MAST4: variants seen among roughly 807,000 people sequenced by gnomAD.
MAST4 encodes microtubule associated serine/threonine kinase family member 4, also known as microtubule-associated serine/threonine-protein kinase 4.
A neutral mutation model predicts 162.7 loss-of-function variants in MAST4; 89 were observed. The ratio of observed to expected loss-of-function variants is 0.55; its 90% CI spans 0.46 to 0.65. The LOEUF (loss-of-function observed/expected upper bound fraction) is 0.65. Among genes scored for constraint, MAST4 ranks in the 30% least tolerant of loss-of-function variants. The pLI, the probability that MAST4 is intolerant of heterozygous loss-of-function variation, is 0.00. For missense variants in MAST4, 3,153 were observed against 3,374.0 expected, an observed-to-expected ratio of 0.93 and a Z score of 1.62; for synonymous variants, 1,479 against 1,361.1, an observed-to-expected ratio of 1.09 and a Z score of -1.91.
chr5:66,839,137 G>C (rs563152148), intron 3 of MAST4, among the ~76,000 whole-genome samples: 1 of 152,252 alleles, frequency 6.6e-6, no homozygotes, highest in East Asian at 1.9e-4. Context: ...GTTGGCAAAA[G>C]AGAGATGGAA....
At chr5:66,625,615 A>G (rs1744374690) in intron 1 of MAST4, among the ~76,000 whole-genome samples, 2 of 152,230 alleles carry the variant, frequency 1.3e-5, no homozygotes, top group Admixed American at 1.3e-4. Context: ...CATCAGGAAA[A>G]AGAGTCAAAA....
At chr5:66,775,049 T>TC (rs35036755) in intron 2 of MAST4, among the ~76,000 whole-genome samples, 2 of 150,662 alleles carry the variant, frequency 1.3e-5, no homozygotes, top group Non-Finnish European at 3.0e-5. Context: ...GTGTGTGTTT[T>TC]CCCCCTGTAG....
chr5:66,975,674 A>G (rs575534761), intron 4 of MAST4, among the ~76,000 whole-genome samples: 1 of 152,280 alleles, frequency 6.6e-6, no homozygotes, highest in Admixed American at 6.5e-5. Flanking sequence ...CCTGCTTCCC[A>G]CAGTCCAGGG....
intron 24 of MAST4, among the ~76,000 whole-genome samples, chr5:67,151,767 CT>C (rs1163541260): frequency 0.15 from 17,365 of 115,578 alleles, 2,425 homozygotes; most frequent in African/African-American, 0.43. Flanking sequence ...TTCTTTTTTT[CT>C]TTTTTTTTTT....
chr5:66,893,715 G>A (rs550529787), intron 3 of MAST4, among the ~76,000 whole-genome samples: 17 of 152,288 alleles, frequency 1.1e-4, no homozygotes, highest in African/African-American at 3.8e-4. Context: ...GACTGTTCAG[G>A]CATTTCTATA....
chr5:66,729,662 C>A (rs1379871420), intron 1 of MAST4, among the ~76,000 whole-genome samples: 1 of 152,080 alleles, frequency 6.6e-6, no homozygotes, highest in Admixed American at 6.6e-5. Context: ...TGTTCTGGGA[C>A]CCTCTTAATT....
At chr5:66,709,903 A>G (rs1479926467) in intron 1 of MAST4, among the ~76,000 whole-genome samples, 1 of 152,192 alleles carries the variant, frequency 6.6e-6, no homozygotes, top group Non-Finnish European at 1.5e-5. Flanking sequence ...TTGGTGCCAT[A>G]CAGGCAAGTG....
intron 1 of MAST4, among the ~76,000 whole-genome samples, chr5:66,684,515 C>T (rs1490275755): frequency 6.6e-6 from 1 of 152,088 alleles, no homozygotes; most frequent in Non-Finnish European, 1.5e-5. Flanking sequence ...TGGAAGGAGT[C>T]TGAATATTTA....
intron 4 of MAST4, among the ~76,000 whole-genome samples, chr5:66,981,537 T>C (rs1748839217): frequency 6.6e-6 from 1 of 152,240 alleles, no homozygotes; most frequent in African/African-American, 2.4e-5. Context: ...GATTTGCCAA[T>C]GGAAATTGAG....
chr5:66,908,107 A>C (rs1763508222), intron 4 of MAST4, among the ~76,000 whole-genome samples: 1 of 152,212 alleles, frequency 6.6e-6, no homozygotes, highest in African/African-American at 2.4e-5. Context: ...AGAATAGTGT[A>C]ATCTATCCTG....
intron 4 of MAST4, among the ~76,000 whole-genome samples, chr5:66,931,192 A>G (rs1742153261): frequency 6.6e-6 from 1 of 152,172 alleles, no homozygotes. Context: ...AATTCATGCT[A>G]TGCATTTATA....
chr5:66,969,541 T>A (rs954930293), intron 4 of MAST4, among the ~76,000 whole-genome samples: 6 of 152,152 alleles, frequency 3.9e-5, no homozygotes, highest in Admixed American at 1.3e-4. Context: ...GACAGCACCT[T>A]AACAGGGAGG....
rs147310220 is a variant in MAST4 at position 66,650,535 on chromosome 5, A to G, written c.363+53517A>G. Among the ~76,000 whole-genome samples, 361 of 152,318 alleles carry G rather than the reference A, an allele frequency of 2.4e-3. 4 individuals carry two copies. Among genetic ancestry groups the G allele is most frequent in the African/African-American group, 8.3e-3 (347 of 41,582 alleles). The stretch of plus-strand genomic sequence containing the variant: ...ACCTCAAAAGCATAAGTAATAGTAT[A>G]ATGTAACATAAGTTATGAATTTTGA... On this transcript the variant is annotated intron_variant, in intron 1 of 28. Transcript: ENST00000403625.
intron 2 of MAST4, among the ~76,000 whole-genome samples, chr5:66,760,569 G>A (rs1009558523): frequency 1.3e-5 from 2 of 152,072 alleles, no homozygotes; most frequent in African/African-American, 4.8e-5. Context: ...CTTGGCCCTA[G>A]GCAGCCATAG....
intron 9 of MAST4, among the ~76,000 whole-genome samples, chr5:67,103,733 C>G (rs2150867704): frequency 6.6e-6 from 1 of 152,302 alleles, no homozygotes; most frequent in African/African-American, 2.4e-5. Flanking sequence ...ACATTAAAAC[C>G]TAGCCCGAAA....
chr5:67,126,777 G>GA (rs1191809047), intron 14 of MAST4, among the ~76,000 whole-genome samples: 2 of 152,108 alleles, frequency 1.3e-5, no homozygotes, highest in Non-Finnish European at 2.9e-5. Context: ...CCAATTCTAT[G>GA]AAAAAAGTCA....
intron 3 of MAST4, among the ~76,000 whole-genome samples, chr5:66,817,721 AT>A (rs1756799894): frequency 6.6e-6 from 1 of 152,136 alleles, no homozygotes; most frequent in African/African-American, 2.4e-5. Context: ...TGAATGTTTG[AT>A]TCTGGCAAAA....
intron 4 of MAST4, among the ~76,000 whole-genome samples, chr5:67,016,608 T>G (rs956400277): frequency 3.9e-5 from 6 of 152,210 alleles, no homozygotes; most frequent in Non-Finnish European, 5.9e-5. Context: ...AAATTGTAAA[T>G]GTATTCTGCT....
chr5:67,050,933 G>A (rs917537962), intron 4 of MAST4, among the ~76,000 whole-genome samples: 1 of 152,194 alleles, frequency 6.6e-6, no homozygotes, highest in Non-Finnish European at 1.5e-5. Context: ...GCTTCTAGCT[G>A]TTGAAGAATG....
Sources: allele counts gnomAD v4.1 joint callset (sites outside exome capture counted in the v4.1 genomes callset), GRCh38; gene constraint gnomAD v4.1.1; transcripts MANE v1.5; gene names NCBI Gene and HGNC (gene_info 2026-07-23, HGNC 2026-07-21).